The following CPSF3 variants were observed in gnomAD, a reference collection of about 807,000 sequenced individuals.
The protein encoded by CPSF3 is cleavage and polyadenylation specificity factor subunit 3.
In CPSF3, 57 loss-of-function variants were observed where a neutral mutation model predicts 84.1. The ratio of observed to expected loss-of-function variants is 0.68; its 90% CI spans 0.55 to 0.85. The LOEUF is 0.85. CPSF3 is among the 40% of genes least tolerant of loss of function. CPSF3 has a pLI of 0.00. For missense variants in CPSF3, 522 were observed against 838.8 expected (o/e 0.62, Z 4.66); for synonymous variants, 275 against 278.1 (o/e 0.99, Z 0.11).
In CPSF3 at chr2:9,438,500, C is replaced by CT. The variant is rs60728053; in HGVS notation, c.761-1972dup. Among the ~76,000 whole-genome samples the CT allele has an allele frequency of 4.9e-3, 640 of 130,344 alleles. 5 individuals are homozygous for CT. The highest frequency in any genetic ancestry group is 0.017 in the East Asian group (78 of 4,644). 85.5% of individuals were successfully genotyped at this position (130,344 alleles called of 152,430 possible). A position where few individuals can be genotyped will look rare whatever the true frequency, so the allele number is the denominator to read the frequency against. On this transcript the variant is annotated intron_variant, in intron 7 of 17. Transcript: ENST00000238112. The stretch of plus-strand genomic sequence containing the variant: ...GTGTACCAAATATTTAATATATATT[C>CT]TTTTTTTTTTTTTTTTTTTGAGACA...
intron 17 of CPSF3, among the ~76,000 whole-genome samples, chr2:9,471,739 T>C (rs1682172694): frequency 6.6e-6 from 1 of 151,896 alleles, no homozygotes; most frequent in East Asian, 1.9e-4. Context: ...CTCTCCATTT[T>C]TTAAAGAAGC....
At chr2:9,436,774 A>AAAAAAAAAAAATAATAATAAT (rs139337028) in intron 7 of CPSF3, among the ~76,000 whole-genome samples, 4 of 143,002 alleles carry the variant, frequency 2.8e-5, no homozygotes, top group African/African-American at 1.0e-4. Context: ...CCATCTCAAA[A>AAAAAAAAAAAATAATAATAAT]AATAATAATA....
At chr2:9,427,003 G>A (rs1402508253) in intron 1 of CPSF3, among the ~76,000 whole-genome samples, 1 of 152,200 alleles carries the variant, frequency 6.6e-6, no homozygotes, top group Non-Finnish European at 1.5e-5. Flanking sequence ...AGGGTCCACT[G>A]CCCTGGGAGG....
In CPSF3 at chr2:9,467,652, T is replaced by C. The variant is rs1415559194; in HGVS notation, c.1787-55T>C. The C allele has an allele frequency of 1.4e-5, 19 of 1,310,650 alleles. No individual in the cohort carries two copies. The East Asian group carries it at 3.9e-4, about 27-fold the overall frequency. 81.2% of individuals were successfully genotyped at this position (1,310,650 alleles called of 1,614,324 possible). On this transcript the variant is annotated intron_variant, in intron 15 of 17. Coordinates refer to ENST00000238112, the MANE Select transcript of CPSF3 (RefSeq NM_016207.4). ...CAGATTCTGATTATTGATTTGGAAA[T>C]TATTCTGAATAGGAATTTAGAAACT...
chr2:9,450,060 AT>A (rs1465678643), intron 11 of CPSF3, among the ~76,000 whole-genome samples: 1 of 151,572 alleles, frequency 6.6e-6, no homozygotes, highest in Admixed American at 6.6e-5. Context: ...GCAGTGGTGC[AT>A]TCATGACTTA....
Position 9,433,019 on chromosome 2 carries a change from C to A in CPSF3, c.519+331C>A, listed in dbSNP as rs114217318. Reference sequence around the variant, plus strand: ...GAAGAGGTGTCTTTGTGGCTGCATTCGTTTAAAATTAAAACACAATTTGAT... The same window carrying A: ...GAAGAGGTGTCTTTGTGGCTGCATTAGTTTAAAATTAAAACACAATTTGAT... On this transcript the variant is annotated intron_variant, in intron 5 of 17. Transcript: ENST00000238112. Among the ~76,000 whole-genome samples the A allele has an allele frequency of 2.0e-5, 3 of 152,288 alleles. No individual in the cohort carries two copies. In the East Asian group the frequency reaches 5.8e-4, roughly 29 times the overall value.
chr2:9,443,405 G>T (rs766913670), intron 9 of CPSF3, 110 bp from the exon 10 acceptor site: 4 of 1,014,414 alleles, frequency 3.9e-6, no homozygotes, highest in South Asian at 3.6e-5. Context: ...GATTTTGTGC[G>T]TAAGGTCCTA....
intron 2 of CPSF3, among the ~76,000 whole-genome samples, chr2:9,429,578 T>A (rs1219505451): frequency 6.6e-6 from 1 of 152,224 alleles, no homozygotes; most frequent in Non-Finnish European, 1.5e-5. Context: ...CGAGAGTCGA[T>A]CTGGTAGTAG....
At chr2:9,461,385 G>A (rs1681719514) in intron 15 of CPSF3, among the ~76,000 whole-genome samples, 1 of 152,096 alleles carries the variant, frequency 6.6e-6, no homozygotes. Flanking sequence ...TCTTACAGTT[G>A]GGCACGGTGG....
chr2:9,438,867 A>G (rs1680874465), intron 7 of CPSF3, among the ~76,000 whole-genome samples: 1 of 152,218 alleles, frequency 6.6e-6, no homozygotes, highest in South Asian at 2.1e-4. Flanking sequence ...AATGTAGTAT[A>G]ATAGAAAGAA....
chr2:9,459,796 C>T (rs528163405), intron 15 of CPSF3, among the ~76,000 whole-genome samples, 178 bp downstream of exon 15: 6 of 151,532 alleles, frequency 4.0e-5, no homozygotes, highest in African/African-American at 1.5e-4. Flanking sequence ...ATTATAGATG[C>T]CTGCCACCAC....
At chr2:9,468,751 C>T (rs56172504) in intron 16 of CPSF3, among the ~76,000 whole-genome samples, 60 of 151,628 alleles carry the variant, frequency 4.0e-4, no homozygotes, top group African/African-American at 1.4e-3. Context: ...CTCAACCTCC[C>T]GAGCAAGTGG....
intron 16 of CPSF3, 162 bp downstream of exon 16, chr2:9,467,938 G>A (rs953539557): frequency 8.5e-5 from 50 of 588,184 alleles, no homozygotes; most frequent in Middle Eastern, 4.4e-4. Flanking sequence ...GGCTGGAACC[G>A]TTCCCTGCCA....
At chr2:9,448,564 G>T (rs1277395479) in intron 11 of CPSF3, among the ~76,000 whole-genome samples, 4 of 152,092 alleles carry the variant, frequency 2.6e-5, no homozygotes, top group African/African-American at 4.8e-5. Flanking sequence ...GATTTTTTGT[G>T]TGTGTGTGTG....
chr2:9,468,188 G>A (rs985159535), intron 16 of CPSF3, among the ~76,000 whole-genome samples: 11 of 152,194 alleles, frequency 7.2e-5, no homozygotes, highest in Admixed American at 1.3e-4. Context: ...GTCTGTAAGC[G>A]ATGAATTAAC....
rs1682026026 is a variant in CPSF3, at chr2:9,467,797, T to G, written c.1856+21T>G. ...CTCCAGTAAGTTTTTCACCCATTAT[T>G]TCTCAACAAGACAGTGACAGCGGCC... On this transcript the variant is annotated intron_variant, in intron 16 of 17. Transcript: ENST00000238112. 1.9e-6 allele frequency: 3 copies of G among 1,598,172 alleles called. No individual in the cohort carries two copies. In the East Asian group the frequency reaches 6.7e-5, roughly 36 times the overall value.
intron 15 of CPSF3, among the ~76,000 whole-genome samples, chr2:9,461,578 G>A (rs1426764946): frequency 7.3e-5 from 11 of 151,644 alleles, no homozygotes; most frequent in South Asian, 6.3e-4. Context: ...GCTGAGGGGC[G>A]AAAATTGCTT....
intron 4 of CPSF3, among the ~76,000 whole-genome samples, chr2:9,431,615 G>T (rs1392733261): frequency 7.1e-6 from 1 of 140,564 alleles, no homozygotes; most frequent in African/African-American, 2.8e-5. Context: ...CGCTATCTTA[G>T]CTCACTGCAA....
rs1386721864 is a variant in CPSF3 at position 9,443,546 on chromosome 2, CTAT to C, written c.1128_1130del (p.Met377del). ...ATGTCTGAACCTGAAGAAATCACTA[CTAT>C]GTCTGGACAGAAGTTACCACTGAAA... On this transcript the variant is annotated inframe_deletion, in exon 10 of 18. Transcript: ENST00000238112. 6.2e-7 allele frequency: 1 copy of C among 1,613,942 alleles called. No homozygotes were observed. Among genetic ancestry groups the C allele is most frequent in the East Asian group, 2.2e-5 (1 of 44,900 alleles).
Sources: allele counts gnomAD v4.1 joint callset (sites outside exome capture counted in the v4.1 genomes callset), GRCh38; gene constraint gnomAD v4.1.1; transcripts MANE v1.5; gene names NCBI Gene and HGNC (gene_info 2026-07-23, HGNC 2026-07-21).